TXNDC11: variants seen among roughly 807,000 people sequenced by gnomAD.
TXNDC11 encodes the protein thioredoxin domain-containing protein 11.
TXNDC11 carries 68 observed loss-of-function variants against 78.0 expected under a neutral mutation model. The observed-to-expected ratio is 0.87, with a 90% confidence interval of 0.72 to 1.07. TXNDC11 has a LOEUF of 1.07. Among genes scored for constraint, TXNDC11 ranks in the 50% least tolerant of loss-of-function variants. The pLI, the probability that TXNDC11 is intolerant of heterozygous loss-of-function variation, is 0.00. For synonymous variants in TXNDC11, 571 were observed against 495.2 expected (o/e 1.15, Z -2.03); for missense variants, 1,389 against 1,221.8 (o/e 1.14, Z -2.04).
At chr16:11,680,299 A>G (rs571428876) in intron 11 of TXNDC11, among the ~76,000 whole-genome samples, 1 of 152,354 alleles carries the variant, frequency 6.6e-6, no homozygotes, top group African/African-American at 2.4e-5. Flanking sequence ...AAAGATACCC[A>G]GTCTGTTTCT....
chr16:11,727,072 T>C (rs16958596), intron 4 of TXNDC11, among the ~76,000 whole-genome samples: 1,537 of 152,252 alleles, frequency 0.01, 27 homozygotes, highest in African/African-American at 0.035. Flanking sequence ...TTTATGTCAA[T>C]AGAGAATATT....
chr16:11,732,684 G>C (rs749101899), intron 3 of TXNDC11, among the ~76,000 whole-genome samples: 1 of 152,080 alleles, frequency 6.6e-6, no homozygotes, highest in South Asian at 2.1e-4. Context: ...GGTAGAGATG[G>C]GGTAGAAAAG....
intron 4 of TXNDC11, 117 bp downstream of exon 4, chr16:11,730,528 G>A: frequency 9.5e-7 from 1 of 1,051,124 alleles, no homozygotes; most frequent in South Asian, 1.8e-5. Flanking sequence ...TCTATCACAT[G>A]ACCTTTTACT....
intron 3 of TXNDC11, among the ~76,000 whole-genome samples, chr16:11,732,503 T>C (rs918904441): frequency 2.0e-5 from 3 of 152,188 alleles, no homozygotes; most frequent in Non-Finnish European, 4.4e-5. Context: ...AGTATTCCTG[T>C]ATCCGAAAAA....
In TXNDC11 at chr16:11,679,559, A is replaced by C; in HGVS notation, c.2513T>G (p.Leu838Arg). The change falls in exon 12 of 12, where the codon CTG becomes CGG. Residue 838 changes from leucine to arginine, a missense_variant. Leu to Arg is a moderately radical substitution (Grantham distance 102, BLOSUM62 -2). Transcript: ENST00000283033. This position sits in a 1 kb window ranked among gnomAD's most constrained non-coding sequence, Gnocchi z 4.6. ...TTCCAGGGCCCGCTGCTGCTGCCGCAGCCGGTGCTCATCTCTGCGGGCACT... is the reference window on the plus strand; with the variant it reads ...TTCCAGGGCCCGCTGCTGCTGCCGCCGCCGGTGCTCATCTCTGCGGGCACT... ...LSSARRDEHR[L>R]RQQQRALEEQ... 1.2e-6 allele frequency: 2 copies of C among 1,613,776 alleles called. No homozygotes were observed. The highest frequency in any genetic ancestry group is 1.7e-6 in the Non-Finnish European group (2 of 1,180,000).
intron 6 of TXNDC11, among the ~76,000 whole-genome samples, chr16:11,698,856 C>T (rs2050931466): frequency 6.6e-6 from 1 of 152,248 alleles, no homozygotes; most frequent in Non-Finnish European, 1.5e-5. Flanking sequence ...ACAGCAGGAA[C>T]TCAACACATG....
chr16:11,698,074 G>T, intron 7 of TXNDC11, 51 bp downstream of exon 7: 1 of 1,552,618 alleles, frequency 6.4e-7, no homozygotes, highest in South Asian at 1.1e-5. Flanking sequence ...GAGCCAGGTA[G>T]ATGAGGCTTT....
Position 11,679,339 on chromosome 16 carries a change from A to G in TXNDC11, c.2733T>C (p.Ala911=), listed in dbSNP as rs765890320. The G allele has an allele frequency of 4.3e-6, 7 of 1,612,038 alleles. No homozygotes were observed. In the Middle Eastern group the frequency reaches 5.0e-4, roughly 114 times the overall value. Residue 911 remains alanine (A), a synonymous_variant, in exon 12 of 12, where the codon GCT becomes GCC. Coordinates refer to ENST00000283033, the MANE Select transcript of TXNDC11 (RefSeq NM_015914.7). The surrounding 1 kb of genome is among the most constrained non-coding windows in gnomAD (Gnocchi z 4.6). Reference sequence around the variant, plus strand: ...CCTCTCTCTGGGCCGCCAGGCTTTCAGCTCCATCCCTGCCCTCCAGTTTCC... The same window carrying G: ...CCTCTCTCTGGGCCGCCAGGCTTTCGGCTCCATCCCTGCCCTCCAGTTTCC... The part of the protein sequence containing the change: ...MERKLEGRDG[A]ESLAAQREVH...
intron 5 of TXNDC11, among the ~76,000 whole-genome samples, chr16:11,711,001 T>C (rs569027613): frequency 6.6e-6 from 1 of 151,674 alleles, no homozygotes; most frequent in East Asian, 1.9e-4. Context: ...GAAGCTGGGG[T>C]GATGAAAATC....
chr16:11,719,245 A>C (rs1301382556), intron 5 of TXNDC11, among the ~76,000 whole-genome samples: 3 of 152,208 alleles, frequency 2.0e-5, no homozygotes, highest in African/African-American at 7.2e-5. Context: ...TATAGTCTTC[A>C]TTAAGGTCTG....
At position 11,742,719 on chromosome 16, in the gene TXNDC11, G is replaced by C. The variant is rs762338602; in HGVS notation, c.12C>G (p.Cys4Trp). 1 of 1,482,652 alleles carries C rather than the reference G, an allele frequency of 6.7e-7. No homozygotes were observed. Among genetic ancestry groups the C allele is most frequent in the Non-Finnish European group, 8.9e-7 (1 of 1,126,666 alleles). The allele number at this position is 1,482,652 out of a possible 1,614,324, so 91.8% of individuals were successfully genotyped here. MSE[C>W]GGRGGGSSSS... ...TGCTGCTGCCGCCGCCGCGGCCTCC[G>C]CATTCCGACATTACATGCTCCCAGT... Residue 4 changes from cysteine to tryptophan, a missense_variant, in exon 1 of 12, where the codon TGC becomes TGG. Coordinates refer to ENST00000283033, the MANE Select transcript of TXNDC11 (RefSeq NM_015914.7).
In TXNDC11 at chr16:11,691,842, A is replaced by G; in HGVS notation, c.1348T>C (p.Ser450Pro). 1.9e-6 allele frequency: 3 copies of G among 1,614,228 alleles called. No individual in the cohort carries two copies. The highest frequency in any genetic ancestry group is 2.5e-6 in the Non-Finnish European group (3 of 1,180,032). Residue 450 changes from serine (S) to proline (P), a missense_variant, in exon 8 of 12, where the codon TCC (serine) becomes CCC (proline). Ser to Pro is a moderately conservative substitution (Grantham distance 74). Coordinates refer to ENST00000283033, the MANE Select transcript of TXNDC11 (RefSeq NM_015914.7). Reference sequence around the variant, plus strand: ...ACCGAGCTCGGCTTCATGCCCCCGGAGGTCTGGTTGACACAGAGTTCACAG... The same window carrying G: ...ACCGAGCTCGGCTTCATGCCCCCGGGGGTCTGGTTGACACAGAGTTCACAG... ...NVCELCVNQT[S>P]GGMKPSSVSV...
chr16:11,692,049 G>A lies in TXNDC11; in HGVS notation c.1141C>T (p.His381Tyr). ...TEVALEYNNC[H>Y]GDQVVERLLQ... ...AGACGCTCCACCACCTGGTCCCCAT[G>A]ACAGTTGTTGTACTCCAAGGCCACT... The change falls in exon 8 of 12, where the codon CAT becomes TAT. Residue 381 changes from histidine to tyrosine, a missense_variant. By Grantham distance (83) the His-to-Tyr change is moderately conservative. Coordinates refer to ENST00000283033, the MANE Select transcript of TXNDC11 (RefSeq NM_015914.7). 1 of 1,537,670 alleles carries A rather than the reference G, an allele frequency of 6.5e-7. No homozygotes were observed. Among genetic ancestry groups the A allele is most frequent in the Non-Finnish European group, 8.7e-7 (1 of 1,143,406 alleles).
At position 11,742,840 on chromosome 16, in the gene TXNDC11, A is replaced by G. The variant is rs1039741620; in HGVS notation, c.-110T>C. The G allele has an allele frequency of 6.7e-6, 9 of 1,343,092 alleles. No individual in the cohort carries two copies. The Middle Eastern group carries it at 8.5e-4, about 127-fold the overall frequency. The allele number at this position is 1,343,092 out of a possible 1,614,324, so 83.2% of individuals were successfully genotyped here. On this transcript the variant is annotated 5_prime_UTR_variant, in exon 1 of 12. Coordinates refer to ENST00000283033, the MANE Select transcript of TXNDC11 (RefSeq NM_015914.7). ...CAGCTCGCCGCACCCGCTAACCCGG[A>G]CGCTCCACGTCAGCCGCGCCGCCGC...
chr16:11,730,891 G>C, intron 3 of TXNDC11, 117 bp from the exon 4 acceptor site: 1 of 782,840 alleles, frequency 1.3e-6, no homozygotes, highest in Non-Finnish European at 1.8e-6. Context: ...CTTGCTTTGG[G>C]ATCCAACCAA....
intron 11 of TXNDC11, among the ~76,000 whole-genome samples, chr16:11,680,145 C>G (rs1336644018): frequency 6.6e-6 from 1 of 152,194 alleles, no homozygotes; most frequent in Non-Finnish European, 1.5e-5. Flanking sequence ...ATGCAGGGCC[C>G]CAGGAGTGTG....
chr16:11,694,744 C>T (rs527910371), intron 7 of TXNDC11, among the ~76,000 whole-genome samples: 1 of 152,352 alleles, frequency 6.6e-6, no homozygotes, highest in Non-Finnish European at 1.5e-5. Context: ...TGAGCCACTG[C>T]GCCCAGCCAG....
chr16:11,704,872 G>A (rs1322106299), intron 5 of TXNDC11, among the ~76,000 whole-genome samples: 1 of 151,826 alleles, frequency 6.6e-6, no homozygotes, highest in Non-Finnish European at 1.5e-5. Context: ...GAGGTCTGCA[G>A]TTTAGTGAAT....
intron 4 of TXNDC11, among the ~76,000 whole-genome samples, chr16:11,722,271 G>A (rs558537925): frequency 5.9e-5 from 9 of 152,164 alleles, no homozygotes; most frequent in South Asian, 4.2e-4. Context: ...CAGAGGACCC[G>A]CCTCTGGCCC....
Sources: allele counts gnomAD v4.1 joint callset (sites outside exome capture counted in the v4.1 genomes callset), GRCh38; gene constraint gnomAD v4.1.1; non-coding constraint Gnocchi (gnomAD v3.1); transcripts MANE v1.5; gene names NCBI Gene and HGNC (gene_info 2026-07-23, HGNC 2026-07-21).